The following EBF1 variants were observed in gnomAD, a reference collection of about 807,000 sequenced individuals.
EBF1 encodes the protein transcription factor COE1.
EBF1 carries 10 observed loss-of-function variants against 68.4 expected under a neutral mutation model. The observed-to-expected ratio is 0.15, with a 90% CI of 0.09 to 0.25. The LOEUF (loss-of-function observed/expected upper bound fraction) is 0.25, where lower values mean the gene tolerates loss of function less well. Ranked by LOEUF, EBF1 falls within the 10% of genes least tolerant of loss-of-function variation. The pLI, the probability that EBF1 is intolerant of heterozygous loss-of-function variation, is 1.00. For missense variants in EBF1, 509 were observed against 794.4 expected (o/e 0.64, Z 4.32); for synonymous variants, 298 against 299.8 (o/e 0.99, Z 0.06).
intron 6 of EBF1, among the ~76,000 whole-genome samples, chr5:158,978,835 C>CACACACACACACAGAGAG (rs753714441): frequency 4.1e-5 from 6 of 147,050 alleles, no homozygotes; most frequent in Middle Eastern, 3.5e-3. Flanking sequence ...CACACACACA[C>CACACACACACACAGAGAG]AGAGAGAGAG....
At chr5:158,793,650 T>C (rs1481607710) in intron 9 of EBF1, among the ~76,000 whole-genome samples, 9 of 152,132 alleles carry the variant, frequency 5.9e-5, no homozygotes, top group Admixed American at 5.9e-4. Context: ...CTTTTTAACC[T>C]CTCTGAAACT....
At chr5:159,025,052 T>G (rs143764850) in intron 6 of EBF1, among the ~76,000 whole-genome samples, 141 of 152,298 alleles carry the variant, frequency 9.3e-4, no homozygotes, top group African/African-American at 3.3e-3. Context: ...AATACACAAA[T>G]GTACAGAATA....
At chr5:158,824,532 T>C (rs1785600428) in intron 7 of EBF1, among the ~76,000 whole-genome samples, 1 of 152,242 alleles carries the variant, frequency 6.6e-6, no homozygotes, top group Non-Finnish European at 1.5e-5. Context: ...ATTCCCCAGT[T>C]GCTTGGAAAG....
chr5:158,992,579 C>T (rs1760555913), intron 6 of EBF1, among the ~76,000 whole-genome samples: 1 of 152,136 alleles, frequency 6.6e-6, no homozygotes. Flanking sequence ...ATTGTCAAAC[C>T]AATTAAAGTT....
chr5:159,061,666 A>G (rs1309477710), intron 6 of EBF1, among the ~76,000 whole-genome samples: 1 of 152,154 alleles, frequency 6.6e-6, no homozygotes, highest in Non-Finnish European at 1.5e-5. Context: ...CGGAAGCCGA[A>G]GAATCGAAAC....
At chr5:158,742,365 T>C (rs1349938883) in intron 10 of EBF1, among the ~76,000 whole-genome samples, 1 of 152,146 alleles carries the variant, frequency 6.6e-6, no homozygotes, top group Non-Finnish European at 1.5e-5. Context: ...ACAGGATATA[T>C]GTTCCTTTTG....
intron 15 of EBF1, among the ~76,000 whole-genome samples, chr5:158,702,815 G>C (rs1297117718): frequency 1.3e-5 from 2 of 149,436 alleles, no homozygotes; most frequent in Non-Finnish European, 3.0e-5. Context: ...TAAGTGAGTG[G>C]GTAAATCTTG....
chr5:158,978,927 C>T (rs1434747392), intron 6 of EBF1, among the ~76,000 whole-genome samples: 1 of 151,708 alleles, frequency 6.6e-6, no homozygotes, highest in East Asian at 1.9e-4. Flanking sequence ...ATTCTCCATT[C>T]GGTGTAGAAG....
At chr5:159,061,301 T>C (rs916436053) in intron 6 of EBF1, among the ~76,000 whole-genome samples, 5 of 152,126 alleles carry the variant, frequency 3.3e-5, no homozygotes, top group Non-Finnish European at 7.4e-5. Flanking sequence ...GTTCTCATTT[T>C]GAAACAACCG....
chr5:158,988,653 C>T (rs190650116), intron 6 of EBF1, among the ~76,000 whole-genome samples: 2 of 152,212 alleles, frequency 1.3e-5, no homozygotes, highest in Admixed American at 1.3e-4. Flanking sequence ...TGATGTGATT[C>T]CAAGATGCTT....
intron 6 of EBF1, among the ~76,000 whole-genome samples, chr5:158,885,776 T>C (rs1395330472): frequency 1.3e-5 from 2 of 152,222 alleles, no homozygotes; most frequent in Non-Finnish European, 2.9e-5. Flanking sequence ...GACTCAAACC[T>C]GGGTCTGCCA....
At chr5:159,083,638 G>A (rs1357291091) in intron 5 of EBF1, among the ~76,000 whole-genome samples, 2 of 152,196 alleles carry the variant, frequency 1.3e-5, no homozygotes, top group Admixed American at 1.3e-4. Context: ...CACCTGTAGA[G>A]TTTTAAGGTT....
chr5:158,833,091 C>A (rs564408023), intron 7 of EBF1, among the ~76,000 whole-genome samples: 1 of 152,000 alleles, frequency 6.6e-6, no homozygotes, highest in Admixed American at 6.6e-5. Flanking sequence ...CACCTCAGAA[C>A]GCTTTCCTGG....
intron 6 of EBF1, among the ~76,000 whole-genome samples, chr5:158,992,687 T>G (rs1271219758): frequency 2.0e-5 from 3 of 152,210 alleles, no homozygotes; most frequent in Non-Finnish European, 4.4e-5. Flanking sequence ...TTGTTTTTTT[T>G]GGACAGATTT....
chr5:158,796,300 C>G, intron 9 of EBF1, 45 bp downstream of exon 9: 1 of 1,565,634 alleles, frequency 6.4e-7, no homozygotes, highest in Non-Finnish European at 8.7e-7. Context: ...ACAGTATCTT[C>G]AACTAGATCA....
intron 4 of EBF1, among the ~76,000 whole-genome samples, chr5:159,095,366 A>G (rs1163046266): frequency 6.6e-6 from 1 of 151,842 alleles, no homozygotes; most frequent in Non-Finnish European, 1.5e-5. Flanking sequence ...TTTTCTCGCC[A>G]CTCAGCACCC....
At chr5:158,906,376 CA>C (rs915158632) in intron 6 of EBF1, among the ~76,000 whole-genome samples, 2 of 147,336 alleles carry the variant, frequency 1.4e-5, no homozygotes, top group African/African-American at 5.0e-5. Context: ...ATCATACATA[CA>C]AAAAAAGCAT....
chr5:158,926,248 T>A (rs984151068), intron 6 of EBF1, among the ~76,000 whole-genome samples: 3 of 152,196 alleles, frequency 2.0e-5, no homozygotes, highest in African/African-American at 4.8e-5. Context: ...TCTATTTAGG[T>A]CTACTTATAA....
At chr5:158,825,889 T>C (rs540600476) in intron 7 of EBF1, among the ~76,000 whole-genome samples, 63 of 150,610 alleles carry the variant, frequency 4.2e-4, no homozygotes, top group African/African-American at 1.5e-3. Flanking sequence ...AAATAAAACA[T>C]ATGCTAAAAT....
Sources: gnomAD v4.1 joint callset for allele counts (sites outside exome capture counted in the v4.1 genomes callset) on GRCh38, gnomAD v4.1.1 for gene constraint, MANE v1.5 for transcripts, NCBI Gene and HGNC (gene_info 2026-07-23, HGNC 2026-07-21) for gene names.